Variants in LRIG1 observed in about 807,000 individuals in gnomAD.
LRIG1 encodes the protein leucine rich repeats and immunoglobulin like domains 1.
LRIG1 carries 48 observed loss-of-function variants against 99.2 expected under a neutral mutation model. That is an observed-to-expected ratio of 0.48 (90% CI 0.38 to 0.62). The LOEUF is 0.62. Among genes scored for constraint, LRIG1 ranks in the 20% least tolerant of loss-of-function variants. The pLI is 0.00. For synonymous variants in LRIG1, 772 were observed against 596.1 expected, an observed-to-expected ratio of 1.29 and a Z score of -4.30; for missense variants, 1,646 against 1,434.4, an observed-to-expected ratio of 1.15 and a Z score of -2.38.
At chr3:66,488,464 T>TA (rs1223885188) in intron 1 of LRIG1, among the ~76,000 whole-genome samples, 2,967 of 101,392 alleles carry the variant, frequency 0.029, 109 homozygotes, top group East Asian at 0.099. Flanking sequence ...CTGTCTCTAC[T>TA]AAAAAAAAAC....
intron 1 of LRIG1, among the ~76,000 whole-genome samples, chr3:66,488,964 T>C (rs536412016): frequency 6.6e-6 from 1 of 152,016 alleles, no homozygotes; most frequent in Non-Finnish European, 1.5e-5. Context: ...ATTTTCCTGG[T>C]TTTTTTTCTT....
chr3:66,446,402 C>G (rs1221839577), intron 3 of LRIG1, among the ~76,000 whole-genome samples: 1 of 146,812 alleles, frequency 6.8e-6, no homozygotes, highest in Admixed American at 6.8e-5. Flanking sequence ...CGCCCACCCG[C>G]CTTTTTTTTT....
chr3:66,424,234 C>A (rs1254487372), intron 3 of LRIG1, among the ~76,000 whole-genome samples: 1 of 152,116 alleles, frequency 6.6e-6, no homozygotes, highest in Non-Finnish European at 1.5e-5. Context: ...ATGACACCCC[C>A]CACCCCCACT....
intron 3 of LRIG1, among the ~76,000 whole-genome samples, chr3:66,431,265 A>C (rs1000210363): frequency 6.6e-6 from 1 of 152,216 alleles, no homozygotes; most frequent in African/African-American, 2.4e-5. Flanking sequence ...AAACCAGGAC[A>C]CAGAATGAGA....
rs531257927 is a variant in LRIG1 at position 66,406,182 on chromosome 3, CCTTT to C, written c.1080-908_1080-905del. On this transcript the variant is annotated intron_variant, in intron 8 of 18. Coordinates refer to ENST00000273261, the MANE Select transcript of LRIG1 (RefSeq NM_015541.3). ...CTGAAGAGTGAAATGCTGGCGGTGA[CCTTT>C]CTTGTCACAGCAGGAAGGTCAAATA... 2.8e-3 allele frequency: 2,755 copies of C among 985,432 alleles called. 4 individuals are homozygous for C. Among genetic ancestry groups the C allele is most frequent in the Non-Finnish European group, 3.2e-3 (2,623 of 829,958 alleles). The allele number at this position is 985,432 out of a possible 1,614,324, so 61.0% of individuals were successfully genotyped here. A position where few individuals can be genotyped will look rare whatever the true frequency, so the allele number is the denominator to read the frequency against.
intron 3 of LRIG1, among the ~76,000 whole-genome samples, chr3:66,443,310 GGGGGCAGGGGATGAGTGA>G (rs1244874716): frequency 2.1e-5 from 3 of 141,702 alleles, no homozygotes; most frequent in Non-Finnish European, 3.0e-5. Flanking sequence ...GGTATGTGTT[GGGGGCAGGGGATGAGTGA>G]GGGGCGGGGG....
chr3:66,500,485 G>C lies in LRIG1; in HGVS notation c.-78C>G. ...CGGCCGCAGACGCGGGCGGGCCCGCGGGGCGCTCCGCTCGGCTCTAGACTC... is the reference window on the plus strand; with the variant it reads ...CGGCCGCAGACGCGGGCGGGCCCGCCGGGCGCTCCGCTCGGCTCTAGACTC... On this transcript the variant is annotated 5_prime_UTR_variant, in exon 1 of 19. Transcript: ENST00000273261. The C allele has an allele frequency of 1.2e-6, 1 of 822,312 alleles. No individual in the cohort carries two copies. Among genetic ancestry groups the C allele is most frequent in the South Asian group, 3.0e-5 (1 of 33,038 alleles). 50.9% of individuals were successfully genotyped at this position (822,312 alleles called of 1,614,324 possible).
At chr3:66,460,685 G>A (rs960237823) in intron 2 of LRIG1, among the ~76,000 whole-genome samples, 2 of 152,226 alleles carry the variant, frequency 1.3e-5, no homozygotes, top group Admixed American at 6.5e-5. Context: ...AATTTCTGCT[G>A]TTCAAGGCAC....
At chr3:66,404,751 G>C (rs1304684225) in intron 9 of LRIG1, among the ~76,000 whole-genome samples, 2 of 152,120 alleles carry the variant, frequency 1.3e-5, no homozygotes, top group East Asian at 1.9e-4. Flanking sequence ...CTGCTACTAC[G>C]ACCCTTGGAA....
In LRIG1 at chr3:66,410,286, C is replaced by T; in HGVS notation, c.792-14G>A. The stretch of plus-strand genomic sequence containing the variant: ...TACTCCAGGTGCCTGCAATGACAGC[C>T]ATGCACAGGATGAAGAGGAGCTTTC... On this transcript the variant is annotated splice_polypyrimidine_tract_variant and intron_variant, in intron 6 of 18. Transcript: ENST00000273261. 6.3e-7 allele frequency: 1 copy of T among 1,593,604 alleles called. No individual in the cohort carries two copies. The highest frequency in any genetic ancestry group is 8.5e-7 in the Non-Finnish European group (1 of 1,170,226).
At chr3:66,416,397 G>A (rs1702614567) in intron 4 of LRIG1, among the ~76,000 whole-genome samples, 2 of 152,192 alleles carry the variant, frequency 1.3e-5, no homozygotes, top group Admixed American at 1.3e-4. Context: ...GCGTTCCAAA[G>A]TTAACTCTGG....
At chr3:66,382,456 C>G (rs913085351) in intron 15 of LRIG1, 58 bp from the exon 16 acceptor site, 3 of 1,600,900 alleles carry the variant, frequency 1.9e-6, no homozygotes, top group Non-Finnish European at 2.6e-6. Flanking sequence ...AATGCAGACA[C>G]ACGTTCACTG....
intron 1 of LRIG1, among the ~76,000 whole-genome samples, chr3:66,493,482 T>C (rs761784062): frequency 1.3e-5 from 2 of 152,218 alleles, no homozygotes; most frequent in African/African-American, 2.4e-5. Flanking sequence ...GGTTCACTTG[T>C]GGCACTTCAT....
intron 1 of LRIG1, 99 bp downstream of exon 1, chr3:66,500,091 A>G (rs1701321597): frequency 1.1e-6 from 1 of 927,432 alleles, no homozygotes; most frequent in Non-Finnish European, 1.6e-6. Flanking sequence ...CACACACACA[A>G]CCCAGTCCGC....
chr3:66,492,002 G>C (rs1000410965), intron 1 of LRIG1, among the ~76,000 whole-genome samples: 2 of 152,142 alleles, frequency 1.3e-5, no homozygotes, highest in African/African-American at 4.8e-5. Context: ...ATGTATTTCA[G>C]ATCATCTCTC....
intron 3 of LRIG1, among the ~76,000 whole-genome samples, chr3:66,429,293 G>A (rs1703082076): frequency 6.6e-6 from 1 of 152,148 alleles, no homozygotes; most frequent in African/African-American, 2.4e-5. Flanking sequence ...AAAAAATCTA[G>A]GTACGATCAA....
rs533778048 is a variant in LRIG1, at chr3:66,467,696, C to T, written c.219-5187G>A. Among the ~76,000 whole-genome samples the T allele has an allele frequency of 8.5e-5, 13 of 152,334 alleles. No individual in the cohort carries two copies. In the East Asian group the frequency reaches 2.3e-3, roughly 27 times the overall value. ...ATATTTCAAGTGTTCAACAGTACCA[C>T]GTGGCTAGTGGCTATCAAAATGTAC... On this transcript the variant is annotated intron_variant, in intron 1 of 18. Coordinates refer to ENST00000273261, the MANE Select transcript of LRIG1 (RefSeq NM_015541.3).
At chr3:66,385,325 A>G (rs1193112752) in intron 13 of LRIG1, among the ~76,000 whole-genome samples, 3 of 152,188 alleles carry the variant, frequency 2.0e-5, no homozygotes. Context: ...ATGCTGTGCC[A>G]TCTACTCAAA....
chr3:66,433,067 T>A (rs936999820), intron 3 of LRIG1, among the ~76,000 whole-genome samples: 1 of 152,162 alleles, frequency 6.6e-6, no homozygotes, highest in Non-Finnish European at 1.5e-5. Flanking sequence ...CATGTCCCCA[T>A]CCTAAACAGG....
Sources: allele counts gnomAD v4.1 joint callset (sites outside exome capture counted in the v4.1 genomes callset), GRCh38; gene constraint gnomAD v4.1.1; transcripts MANE v1.5; gene names NCBI Gene and HGNC (gene_info 2026-07-23, HGNC 2026-07-21).